MYBPC1: variants seen among roughly 807,000 people sequenced by gnomAD.
MYBPC1 encodes the protein myosin binding protein C1.
A neutral mutation model predicts 147.1 loss-of-function variants in MYBPC1; 52 were observed. The ratio of observed to expected loss-of-function variants is 0.35; its 90% CI spans 0.28 to 0.45. The LOEUF (loss-of-function observed/expected upper bound fraction) is 0.45. MYBPC1 is among the 20% of genes least tolerant of loss of function. The pLI is 1.00. For missense variants in MYBPC1, 1,228 were observed against 1,440.3 expected (o/e 0.85, Z 2.39); for synonymous variants, 477 against 475.9 (o/e 1.00, Z -0.03).
chr12:101,596,176 T>G (rs913467438), intron 1 of MYBPC1, among the ~76,000 whole-genome samples: 2 of 152,212 alleles, frequency 1.3e-5, no homozygotes, highest in Non-Finnish European at 2.9e-5. Context: ...AACCAAATTA[T>G]CAAAAGTCTT....
chr12:101,653,929 C>T (rs1392352774), intron 18 of MYBPC1, among the ~76,000 whole-genome samples: 2 of 152,194 alleles, frequency 1.3e-5, no homozygotes, highest in African/African-American at 2.4e-5. Context: ...TGAGGCTGGG[C>T]ATGGTGGCTC....
chr12:101,613,342 C>A (rs1486726542), intron 1 of MYBPC1, among the ~76,000 whole-genome samples: 2 of 152,216 alleles, frequency 1.3e-5, no homozygotes, highest in Non-Finnish European at 2.9e-5. Flanking sequence ...CCCTGCTTAA[C>A]AAGAGTCACT....
At chr12:101,682,322 TTATACA>T (rs1951057905) in intron 29 of MYBPC1, among the ~76,000 whole-genome samples, 1 of 152,220 alleles carries the variant, frequency 6.6e-6, no homozygotes, top group African/African-American at 2.4e-5. Flanking sequence ...GCGAATAGTA[TTATACA>T]TATACATGAT....
At chr12:101,611,949 C>T (rs1370232800) in intron 1 of MYBPC1, among the ~76,000 whole-genome samples, 1 of 151,966 alleles carries the variant, frequency 6.6e-6, no homozygotes, top group Non-Finnish European at 1.5e-5. Context: ...TGGTGGCATG[C>T]ACCTATAGTC....
At chr12:101,638,351 G>A (rs1378879105) in intron 10 of MYBPC1, among the ~76,000 whole-genome samples, 1 of 152,092 alleles carries the variant, frequency 6.6e-6, no homozygotes, top group Non-Finnish European at 1.5e-5. Context: ...GAAAAATAGT[G>A]GTAAAAACAT....
chr12:101,628,666 C>T (rs1025139718), intron 5 of MYBPC1, among the ~76,000 whole-genome samples: 5 of 152,204 alleles, frequency 3.3e-5, no homozygotes, highest in Admixed American at 6.5e-5. Context: ...ACAGTTCTCT[C>T]TACTATCCTA....
intron 28 of MYBPC1, 117 bp from the exon 29 acceptor site, chr12:101,680,226 C>T: frequency 1.0e-6 from 1 of 984,996 alleles, no homozygotes; most frequent in Non-Finnish European, 1.6e-6. Context: ...GTCTATCCTT[C>T]TCAGATGCAC....
In MYBPC1 at chr12:101,634,605, G is replaced by C; in HGVS notation, c.608G>C (p.Ser203Thr). The change falls in exon 9 of 32, where the codon AGT becomes ACT. Residue 203 changes from serine to threonine, a missense_variant and splice_region_variant. Ser to Thr is a moderately conservative substitution (Grantham distance 58). Coordinates refer to ENST00000361466, the MANE Select transcript of MYBPC1 (RefSeq NM_002465.4). ...NIDIRSAFKR[S>T]GEGQEDAGEL... The stretch of plus-strand genomic sequence containing the variant: ...GACATCAGATCTGCTTTCAAGAGAA[G>C]GTAACTCCAAAAGAAAAATCTAGAT... 1 of 1,611,546 alleles carries C rather than the reference G, an allele frequency of 6.2e-7. No individual in the cohort carries two copies. Among genetic ancestry groups the C allele is most frequent in the Non-Finnish European group, 8.5e-7 (1 of 1,177,858 alleles).
intron 1 of MYBPC1, among the ~76,000 whole-genome samples, chr12:101,609,431 T>C (rs1883477389): frequency 6.6e-6 from 1 of 151,970 alleles, no homozygotes; most frequent in South Asian, 2.1e-4. Flanking sequence ...CGCTGGGACT[T>C]GGGAAGCACC....
intron 24 of MYBPC1, among the ~76,000 whole-genome samples, chr12:101,671,210 T>C (rs79602107): frequency 0.054 from 8,206 of 152,150 alleles, 473 homozygotes; most frequent in African/African-American, 0.15. Flanking sequence ...TTCTTCAATT[T>C]TAATTAATTT....
At chr12:101,631,797 A>T (rs1889954558) in intron 7 of MYBPC1, 78 bp downstream of exon 7, 1 of 1,593,864 alleles carries the variant, frequency 6.3e-7, no homozygotes, top group Non-Finnish European at 8.6e-7. Flanking sequence ...TTTCAGGTTC[A>T]GCTTTGAGAG....
Position 101,595,186 on chromosome 12 carries a change from T to C in MYBPC1, c.25+91T>C, listed in dbSNP as rs1243989224. On this transcript the variant is annotated intron_variant, in intron 1 of 31. Transcript: ENST00000361466. The stretch of plus-strand genomic sequence containing the variant: ...TCAAACAAATAACAAATATCTTAAC[T>C]AGATGAGAAAATAAAATCACTATGA... 3.5e-6 allele frequency: 4 copies of C among 1,134,212 alleles called. No homozygotes were observed. The African/African-American group carries it at 4.6e-5, about 13-fold the overall frequency. The allele number at this position is 1,134,212 out of a possible 1,614,324, so 70.3% of individuals were successfully genotyped here. A position where few individuals can be genotyped will look rare whatever the true frequency, so the allele number is the denominator to read the frequency against.
intron 20 of MYBPC1, among the ~76,000 whole-genome samples, chr12:101,661,896 C>CAAAAAAAAAAA (rs66873575): frequency 6.0e-5 from 5 of 83,180 alleles, no homozygotes; most frequent in South Asian, 4.8e-4. Context: ...GACTCTGTCT[C>CAAAAAAAAAAA]AAAAAAAAAA....
At chr12:101,636,572 G>A (rs1891022054) in intron 9 of MYBPC1, 100 bp from the exon 10 acceptor site, 2 of 937,482 alleles carry the variant, frequency 2.1e-6, no homozygotes, top group South Asian at 1.4e-5. Flanking sequence ...TCCTTGTGTG[G>A]CACAAAATTG....
intron 8 of MYBPC1, among the ~76,000 whole-genome samples, chr12:101,632,791 A>G (rs541517300): frequency 1.1e-3 from 169 of 152,308 alleles, no homozygotes; most frequent in Non-Finnish European, 1.9e-3. Context: ...ATCTAGTGGC[A>G]CTGTCTTGGT....
the MYBPC1 span, among the ~76,000 whole-genome samples, chr12:101,693,765 G>A: frequency 0.53 from 79,432 of 150,712 alleles, 21,813 homozygotes; most frequent in Admixed American, 0.61. Flanking sequence ...AAATAAACAA[G>A]TAAAAGAAAT....
intron 22 of MYBPC1, 101 bp downstream of exon 22, chr12:101,663,661 T>A: frequency 7.4e-7 from 1 of 1,353,778 alleles, no homozygotes; most frequent in Non-Finnish European, 1.0e-6. Flanking sequence ...ATCACCTTCC[T>A]ACGAAAATAA....
rs749527333 is a variant in MYBPC1, at chr12:101,651,369, G to A, written c.1502G>A (p.Arg501His). Residue 501 changes from arginine (R) to histidine (H), a missense_variant, in exon 16 of 32, where the codon CGT becomes CAT. Transcript: ENST00000361466. ...KNGLPVQESD[R>H]LKVVHKGRIH... ...GGCCTACCTGTTCAGGAGAGTGACC[G>A]TCTAAAGGTGGTTCACAAGGGAAGG... 35 of 1,613,976 alleles carry A rather than the reference G, an allele frequency of 2.2e-5. No homozygotes were observed. The highest frequency in any genetic ancestry group is 1.2e-4 in the African/African-American group (9 of 74,922).
chr12:101,687,376 A>G (rs895887246), downstream of MYBPC1, among the ~76,000 whole-genome samples: 1 of 152,172 alleles, frequency 6.6e-6, no homozygotes, highest in African/African-American at 2.4e-5. Context: ...TTCCAGCTTC[A>G]TCCATGTCCC....
Sources: allele counts gnomAD v4.1 joint callset (sites outside exome capture counted in the v4.1 genomes callset), GRCh38; gene constraint gnomAD v4.1.1; transcripts MANE v1.5; gene names NCBI Gene and HGNC (gene_info 2026-07-23, HGNC 2026-07-21).